ANK2: variants seen among roughly 807,000 people sequenced by gnomAD.
The protein encoded by ANK2 is ankyrin 2.
A neutral mutation model predicts 360.5 loss-of-function variants in ANK2; 83 were observed. The observed-to-expected ratio is 0.23, with a 90% confidence interval of 0.19 to 0.28. The LOEUF (loss-of-function observed/expected upper bound fraction) is 0.28, where lower values mean the gene tolerates loss of function less well. ANK2 is among the 10% of genes least tolerant of loss of function. The pLI, the probability that ANK2 is intolerant of heterozygous loss-of-function variation, is 1.00. For synonymous variants in ANK2, 1,740 were observed against 1,759.5 expected (o/e 0.99, Z 0.28); for missense variants, 4,201 against 4,795.7 (o/e 0.88, Z 3.66).
In ANK2 at chr4:113,005,535, G is replaced by A. The variant is rs146141293; in HGVS notation, c.21+101021G>A. Among the ~76,000 whole-genome samples, 275 of 152,214 alleles carry A rather than the reference G, an allele frequency of 1.8e-3. 1 individual carries two copies. The highest frequency in any genetic ancestry group is 5.9e-3 in the African/African-American group (247 of 41,538). The stretch of plus-strand genomic sequence containing the variant: ...CTCATATGTACGAGCTAAAACAGTC[G>A]CTCTCATGGACATAGAGAATAGAAT... On this transcript the variant is annotated intron_variant, in intron 2 of 30. Coordinates refer to the ANK2 transcript ENST00000503271.
chr4:113,380,351 A>G (rs76631260), intron 45 of ANK2, among the ~76,000 whole-genome samples: 5,484 of 152,268 alleles, frequency 0.036, 332 homozygotes, highest in African/African-American at 0.12. Context: ...CTTAAAATTA[A>G]TATGACTATA....
intron 26 of ANK2, among the ~76,000 whole-genome samples, chr4:113,325,555 C>T (rs1345211659): frequency 6.6e-6 from 1 of 152,122 alleles, no homozygotes; most frequent in African/African-American, 2.4e-5. Flanking sequence ...TTCTCCTGTG[C>T]TGTGTGATAA....
chr4:113,106,734 A>G, intron 1 of ANK2: 1 of 286,088 alleles, frequency 3.5e-6, no homozygotes, highest in Non-Finnish European at 6.9e-6. Flanking sequence ...CTCCAATCTA[A>G]TGAGTGAGAA....
At chr4:113,160,600 GT>G (rs1562513279) in intron 1 of ANK2, among the ~76,000 whole-genome samples, 2 of 151,998 alleles carry the variant, frequency 1.3e-5, no homozygotes, top group African/African-American at 4.8e-5. Flanking sequence ...CCCTTATATT[GT>G]TTTTCCCTTA....
At position 113,124,604 on chromosome 4, in the gene ANK2, T is replaced by C. The variant is rs28427279; in HGVS notation, c.85-49812T>C. Among the ~76,000 whole-genome samples, 786 of 152,328 alleles carry C rather than the reference T, an allele frequency of 5.2e-3. 10 individuals are homozygous for C. The highest frequency in any genetic ancestry group is 0.018 in the African/African-American group (751 of 41,578). On this transcript the variant is annotated intron_variant, in intron 1 of 45. Coordinates refer to ENST00000357077, the MANE Select transcript of ANK2 (RefSeq NM_001148.6). ...AGTCAGAAAGGGATTCCTTACTCAG[T>C]TGTACAGGATTCTGAAATGTACTTT... is the stretch of plus-strand genomic sequence containing the variant.
chr4:112,812,065 A>T, the ANK2 span, among the ~76,000 whole-genome samples: 1 of 106,654 alleles, frequency 9.4e-6, no homozygotes, highest in African/African-American at 4.3e-5. Flanking sequence ...ACGGAGCAAG[A>T]CTCCGTCTCA....
chr4:113,257,221 T>TA (rs1001395387), intron 11 of ANK2, among the ~76,000 whole-genome samples: 2 of 152,084 alleles, frequency 1.3e-5, no homozygotes, highest in Admixed American at 6.6e-5. Flanking sequence ...ATTGTTGAAA[T>TA]AAAAAAAATA....
chr4:112,986,554 G>A (rs2044938894), intron 2 of ANK2, among the ~76,000 whole-genome samples: 1 of 152,152 alleles, frequency 6.6e-6, no homozygotes, highest in Non-Finnish European at 1.5e-5. Context: ...TGACTCAGGG[G>A]AAGAATCTTC....
chr4:112,951,106 A>AAAAAG (rs1427058829), intron 2 of ANK2, among the ~76,000 whole-genome samples: 5 of 149,888 alleles, frequency 3.3e-5, no homozygotes, highest in Admixed American at 6.7e-5. Flanking sequence ...AAAAAAAAAA[A>AAAAAG]TGTGTGCCTC....
At chr4:113,103,561 T>C (rs1435930397) in intron 1 of ANK2, among the ~76,000 whole-genome samples, 1 of 152,212 alleles carries the variant, frequency 6.6e-6, no homozygotes. Context: ...CATGAATTTA[T>C]GACTAATGAC....
At chr4:113,005,787 C>G (rs111405053) in intron 2 of ANK2, among the ~76,000 whole-genome samples, 192 of 152,160 alleles carry the variant, frequency 1.3e-3, no homozygotes, top group Middle Eastern at 3.4e-3. Flanking sequence ...GGTGGTGGAT[C>G]TCTCATGAAT....
At chr4:113,140,974 G>A (rs557618611) in intron 1 of ANK2, among the ~76,000 whole-genome samples, 51 of 150,504 alleles carry the variant, frequency 3.4e-4, no homozygotes, top group Middle Eastern at 3.4e-3. Context: ...GTGAAACTCC[G>A]TTTAAAAAAA....
At chr4:113,232,374 T>A in intron 5 of ANK2, 115 bp downstream of exon 5, 1 of 827,830 alleles carries the variant, frequency 1.2e-6, no homozygotes. Context: ...AATGTTCATG[T>A]TACTATTATA....
At chr4:112,864,017 G>A (rs11724318) in intron 1 of ANK2, among the ~76,000 whole-genome samples, 8,259 of 152,194 alleles carry the variant, frequency 0.054, 389 homozygotes, top group African/African-American at 0.12. Context: ...GCTTACATTT[G>A]GGTGGGAATA....
chr4:112,843,109 A>C (rs1289935646), intron 1 of ANK2, among the ~76,000 whole-genome samples: 1 of 152,212 alleles, frequency 6.6e-6, no homozygotes, highest in Non-Finnish European at 1.5e-5. Context: ...ACAATCCAGG[A>C]TAACCTCCCC....
chr4:112,820,443 A>G (rs2056673265), intron 1 of ANK2, among the ~76,000 whole-genome samples: 1 of 152,218 alleles, frequency 6.6e-6, no homozygotes, highest in Non-Finnish European at 1.5e-5. Flanking sequence ...TTCTGCAATC[A>G]TGCAACCTAA....
the ANK2 span, among the ~76,000 whole-genome samples, chr4:112,790,036 T>TTA: frequency 6.6e-6 from 1 of 152,130 alleles, no homozygotes; most frequent in Non-Finnish European, 1.5e-5. Context: ...GGAAGCAGCA[T>TTA]TAGAGAGTTA....
chr4:113,350,424 A>G (rs557606811), intron 37 of ANK2, 175 bp downstream of exon 37: 1 of 545,032 alleles, frequency 1.8e-6, no homozygotes, highest in Admixed American at 3.2e-5. Flanking sequence ...AATTACAAAT[A>G]TACCTAATTT....
At chr4:113,133,448 G>A (rs988286104) in intron 1 of ANK2, among the ~76,000 whole-genome samples, 15 of 152,048 alleles carry the variant, frequency 9.9e-5, no homozygotes, top group African/African-American at 3.6e-4. Context: ...TATTTTGCTT[G>A]AAAAAGATTT....
Sources: gnomAD v4.1 joint callset for allele counts (sites outside exome capture counted in the v4.1 genomes callset) on GRCh38, gnomAD v4.1.1 for gene constraint, MANE v1.5 for transcripts, NCBI Gene and HGNC (gene_info 2026-07-23, HGNC 2026-07-21) for gene names.